GPHN: variants seen among roughly 807,000 people sequenced by gnomAD.
GPHN encodes the protein gephyrin.
Under a neutral mutation model 95.5 loss-of-function variants are expected in GPHN, and 17 were observed. The observed-to-expected ratio is 0.18, with a 90% confidence interval of 0.12 to 0.27. The LOEUF is 0.27. Ranked by LOEUF, GPHN falls within the 10% of genes least tolerant of loss-of-function variation. The pLI is 1.00. For missense variants in GPHN, 660 were observed against 978.1 expected (o/e 0.67, Z 4.34); for synonymous variants, 320 against 322.5 (o/e 0.99, Z 0.08).
the GPHN span, among the ~76,000 whole-genome samples, chr14:67,437,169 T>C: frequency 1.3e-5 from 2 of 152,192 alleles, no homozygotes; most frequent in Non-Finnish European, 2.9e-5. Flanking sequence ...ACTTCTTGAG[T>C]GCCTACCTAT....
chr14:67,604,741 C>CTT, the GPHN span, among the ~76,000 whole-genome samples: 1 of 151,930 alleles, frequency 6.6e-6, no homozygotes, highest in African/African-American at 2.4e-5. Flanking sequence ...CTTTGCCTAT[C>CTT]TTTTTTTTCC....
At chr14:67,280,944 T>C in the GPHN span, among the ~76,000 whole-genome samples, 1 of 150,126 alleles carries the variant, frequency 6.7e-6, no homozygotes, top group Non-Finnish European at 1.5e-5. Context: ...TTGCCCAGGC[T>C]GGAGTGCAGT....
chr14:67,578,141 A>G, the GPHN span: 1 of 1,613,900 alleles, frequency 6.2e-7, no homozygotes, highest in Non-Finnish European at 8.5e-7. The surrounding 1 kb of genome is among the most constrained non-coding windows in gnomAD (Gnocchi z 5.0). Flanking sequence ...AGTGAGATCT[A>G]CTGCCAACTC....
intron 9 of GPHN, among the ~76,000 whole-genome samples, chr14:67,021,747 A>G (rs2073639635): frequency 6.6e-6 from 1 of 152,056 alleles, no homozygotes; most frequent in South Asian, 2.1e-4. Context: ...CTATCCATAC[A>G]CTAGCTCCAC....
At chr14:67,178,137 A>C (rs141102872) in intron 21 of GPHN, among the ~76,000 whole-genome samples, 1 of 152,288 alleles carries the variant, frequency 6.6e-6, no homozygotes, top group Admixed American at 6.5e-5. Context: ...CCATTAGTTG[A>C]TGCAGTTTCC....
At chr14:67,202,623 A>G in the GPHN span, among the ~76,000 whole-genome samples, 1 of 152,194 alleles carries the variant, frequency 6.6e-6, no homozygotes, top group Non-Finnish European at 1.5e-5. Context: ...AATTGGCTCT[A>G]TGGAATTTAA....
At chr14:66,888,088 AAACAG>A (rs1254919193) in intron 5 of GPHN, among the ~76,000 whole-genome samples, 2 of 152,210 alleles carry the variant, frequency 1.3e-5, no homozygotes, top group African/African-American at 4.8e-5. Flanking sequence ...AGAAACGAAA[AAACAG>A]AACAGAATAT....
At chr14:66,527,010 C>T (rs533956049) in intron 1 of GPHN, among the ~76,000 whole-genome samples, 35 of 152,204 alleles carry the variant, frequency 2.3e-4, no homozygotes, top group African/African-American at 8.2e-4. Flanking sequence ...AGGGAGGATT[C>T]CCTCTTTTTC....
At chr14:66,945,025 A>G (rs567983612) in intron 8 of GPHN, among the ~76,000 whole-genome samples, 5 of 152,346 alleles carry the variant, frequency 3.3e-5, no homozygotes, top group Admixed American at 3.3e-4. Context: ...GTGAAAGGAA[A>G]AAAGATTTTT....
chr14:66,573,946 A>AT (rs935517488), intron 1 of GPHN, among the ~76,000 whole-genome samples: 66 of 150,170 alleles, frequency 4.4e-4, no homozygotes, highest in East Asian at 2.7e-3. Flanking sequence ...CTTGTTTTTA[A>AT]TTTTTTTTTT....
At chr14:67,312,665 AG>A in the GPHN span, 1 of 1,612,832 alleles carries the variant, frequency 6.2e-7, no homozygotes, top group Non-Finnish European at 8.5e-7. Context: ...GCAGGCCTAC[AG>A]GGAAGGGGAC....
intron 5 of GPHN, among the ~76,000 whole-genome samples, chr14:66,894,611 A>G (rs1279752140): frequency 6.6e-6 from 1 of 152,200 alleles, no homozygotes; most frequent in South Asian, 2.1e-4. Flanking sequence ...CAATCTACTC[A>G]TCTGACAAAG....
chr14:66,736,393 T>C (rs1236176204), intron 2 of GPHN, among the ~76,000 whole-genome samples: 1 of 133,404 alleles, frequency 7.5e-6, no homozygotes, highest in Non-Finnish European at 1.5e-5. Context: ...TTTTCTTTCT[T>C]TTTTTTTTCT....
At chr14:66,949,993 GAA>G (rs71129809) in intron 8 of GPHN, among the ~76,000 whole-genome samples, 1,107 of 57,698 alleles carry the variant, frequency 0.019, 2 homozygotes, top group Non-Finnish European at 0.032. Flanking sequence ...TTTAGGACAG[GAA>G]AAAAAAAAAA....
At chr14:67,144,248 AAAATATATATATATATATAT>A (rs1260923859) in intron 18 of GPHN, among the ~76,000 whole-genome samples, 4 of 62,616 alleles carry the variant, frequency 6.4e-5, no homozygotes, top group East Asian at 1.2e-3. Context: ...AAAAAAAAAA[AAAATATATATATATATATAT>A]ATATATATAT....
intron 1 of GPHN, among the ~76,000 whole-genome samples, chr14:66,514,010 TATG>T (rs2058144491): frequency 6.6e-6 from 1 of 151,880 alleles, no homozygotes. Flanking sequence ...GGAAATGAAA[TATG>T]ATGAAGGAAT....
At chr14:66,933,529 G>A (rs1021522700) in intron 8 of GPHN, among the ~76,000 whole-genome samples, 9 of 152,196 alleles carry the variant, frequency 5.9e-5, no homozygotes, top group African/African-American at 2.2e-4. Context: ...GGCATGTGAA[G>A]CAATGTGGAA....
chr14:66,986,547 T>G (rs970098096), intron 9 of GPHN, among the ~76,000 whole-genome samples: 5 of 152,164 alleles, frequency 3.3e-5, no homozygotes, highest in Admixed American at 2.6e-4. Context: ...ATCACTCTTA[T>G]GAAACACAGA....
At chr14:67,450,170 C>G in the GPHN span, 2 of 152,562 alleles carry the variant, frequency 1.3e-5, no homozygotes, top group African/African-American at 4.8e-5. Flanking sequence ...CCTTGCCTTC[C>G]GCCATGATTG....
Sources: allele counts gnomAD v4.1 joint callset (sites outside exome capture counted in the v4.1 genomes callset), GRCh38; gene constraint gnomAD v4.1.1; non-coding constraint Gnocchi (gnomAD v3.1); transcripts MANE v1.5; gene names NCBI Gene and HGNC (gene_info 2026-07-23, HGNC 2026-07-21).